The following SUZ12 variants were observed in gnomAD, a reference collection of about 807,000 sequenced individuals.
The protein encoded by SUZ12 is SUZ12 polycomb repressive complex 2 subunit, also known as polycomb protein SUZ12.
Under a neutral mutation model 87.3 loss-of-function variants are expected in SUZ12, and 17 were observed. The observed-to-expected ratio is 0.19, with a 90% CI of 0.13 to 0.29. SUZ12 has a LOEUF of 0.29. Ranked by LOEUF, SUZ12 falls within the 10% of genes least tolerant of loss-of-function variation. The pLI is 1.00. For missense variants in SUZ12, 526 were observed against 912.2 expected (o/e 0.58, Z 5.45); for synonymous variants, 253 against 312.4 (o/e 0.81, Z 2.01).
chr17:31,938,659 AT>A (rs1349376794), intron 1 of SUZ12, among the ~76,000 whole-genome samples: 1 of 152,240 alleles, frequency 6.6e-6, no homozygotes, highest in African/African-American at 2.4e-5. Flanking sequence ...TTAATTGGAA[AT>A]AGGATGTAGA....
At chr17:31,983,795 A>G (rs1207519932) in intron 9 of SUZ12, among the ~76,000 whole-genome samples, 1 of 152,242 alleles carries the variant, frequency 6.6e-6, no homozygotes, top group Admixed American at 6.5e-5. Context: ...TTTAAATTCT[A>G]TTCATTGTAA....
intron 4 of SUZ12, among the ~76,000 whole-genome samples, chr17:31,961,848 A>C (rs571130264): frequency 1.3e-5 from 2 of 152,354 alleles, no homozygotes; most frequent in East Asian, 3.9e-4. Context: ...TCAGAAAAGT[A>C]ATGTAAATAA....
intron 3 of SUZ12, among the ~76,000 whole-genome samples, chr17:31,945,462 T>C (rs1293029393): frequency 1.3e-5 from 2 of 152,222 alleles, no homozygotes. Context: ...GGGCATCTTT[T>C]ATTGAATCCA....
chr17:31,991,158 C>T (rs1909702206), intron 10 of SUZ12, among the ~76,000 whole-genome samples: 2 of 152,142 alleles, frequency 1.3e-5, no homozygotes, highest in South Asian at 4.1e-4. Context: ...AAGTTGTCCT[C>T]CTTGACCACT....
chr17:31,992,600 T>G (rs532966317), intron 10 of SUZ12, among the ~76,000 whole-genome samples: 1 of 151,812 alleles, frequency 6.6e-6, no homozygotes, highest in African/African-American at 2.4e-5. Flanking sequence ...TTAGTAGAGA[T>G]GGGGTTTCAC....
At chr17:31,941,945 C>T (rs1055830312) in intron 3 of SUZ12, among the ~76,000 whole-genome samples, 25 of 151,852 alleles carry the variant, frequency 1.6e-4, no homozygotes, top group Admixed American at 2.6e-4. Flanking sequence ...CTCCGCTTCC[C>T]GGGTTCAGGC....
At chr17:31,943,887 A>G (rs2142123042) in intron 3 of SUZ12, among the ~76,000 whole-genome samples, 1 of 151,798 alleles carries the variant, frequency 6.6e-6, no homozygotes, top group South Asian at 2.1e-4. Context: ...TAGTAGAGAC[A>G]GGGTTTCACC....
Position 31,937,456 on chromosome 17 carries a change from G to C in SUZ12, c.210G>C (p.Pro70=). The change falls in exon 1 of 16, where the codon CCG becomes CCC. Residue 70 remains proline (P), a synonymous_variant. Transcript: ENST00000322652. ...AAAAAGAAVL[P]VKKPKMEHVQ... ...CAGCGGCGGGGGCTGCGGTGTTACCGGTGAAGAAGCCGAAAATGGAGCACG... is the reference window on the plus strand; with the variant it reads ...CAGCGGCGGGGGCTGCGGTGTTACCCGTGAAGAAGCCGAAAATGGAGCACG... The C allele has an allele frequency of 6.5e-7, 1 of 1,541,368 alleles. No individual in the cohort carries two copies. Among genetic ancestry groups the C allele is most frequent in the Non-Finnish European group, 8.7e-7 (1 of 1,145,192 alleles).
At chr17:31,977,309 A>C (rs1598174956) in intron 8 of SUZ12, among the ~76,000 whole-genome samples, 3 of 129,306 alleles carry the variant, frequency 2.3e-5, no homozygotes, top group Non-Finnish European at 1.6e-5. Context: ...ATAGTGTCTC[A>C]CTCTATCACC....
At chr17:31,985,943 G>A (rs1009733018) in intron 9 of SUZ12, among the ~76,000 whole-genome samples, 1 of 151,824 alleles carries the variant, frequency 6.6e-6, no homozygotes, top group Admixed American at 6.6e-5. Context: ...TTACAGGCAT[G>A]AGCGACCGTG....
intron 5 of SUZ12, among the ~76,000 whole-genome samples, chr17:31,972,522 T>A (rs1391905952): frequency 6.6e-6 from 1 of 151,836 alleles, no homozygotes; most frequent in East Asian, 1.9e-4. Context: ...AAGAGATCCT[T>A]CCACCTAGCC....
chr17:31,985,864 T>C (rs940099923), intron 9 of SUZ12, among the ~76,000 whole-genome samples: 2 of 152,098 alleles, frequency 1.3e-5, no homozygotes, highest in Non-Finnish European at 2.9e-5. Flanking sequence ...AGTTTCACCA[T>C]GTTGGCCAGG....
intron 4 of SUZ12, among the ~76,000 whole-genome samples, chr17:31,957,013 T>G (rs111750626): frequency 0.11 from 16,261 of 152,204 alleles, 1,065 homozygotes; most frequent in Middle Eastern, 0.15. Flanking sequence ...TGACCTCAAG[T>G]GATCCACCCA....
At position 31,997,462 on chromosome 17, in the gene SUZ12, A is replaced by G. The variant is rs547589420; in HGVS notation, c.1874+585A>G. ...TGGATCACTTGAGGTCAGAAGTTAGAGAGCAGCCTGGCCAACATGGTGAAA... is the reference window on the plus strand; with the variant it reads ...TGGATCACTTGAGGTCAGAAGTTAGGGAGCAGCCTGGCCAACATGGTGAAA... On this transcript the variant is annotated intron_variant, in intron 15 of 15. Transcript: ENST00000322652. Among the ~76,000 whole-genome samples the G allele has an allele frequency of 3.3e-5, 5 of 152,298 alleles. No homozygotes were observed. The South Asian group carries it at 1.0e-3, about 32-fold the overall frequency.
At chr17:31,941,206 A>T (rs1389314671) in intron 3 of SUZ12, among the ~76,000 whole-genome samples, 1 of 148,944 alleles carries the variant, frequency 6.7e-6, no homozygotes, top group East Asian at 2.0e-4. Context: ...GGTTCATGCC[A>T]TTCTCCTGCC....
rs189067006 is a variant in SUZ12, at chr17:31,983,648, T to A, written c.1023+544T>A. ...AATGTCTGCTCCTAGCTATGTGGCGTTTGGCAAGTTACTTATCCATGTCTC... is the reference window on the plus strand; with the variant it reads ...AATGTCTGCTCCTAGCTATGTGGCGATTGGCAAGTTACTTATCCATGTCTC... On this transcript the variant is annotated intron_variant, in intron 9 of 15. Coordinates refer to ENST00000322652, the MANE Select transcript of SUZ12 (RefSeq NM_015355.4). Among the ~76,000 whole-genome samples the A allele has an allele frequency of 2.6e-4, 40 of 152,280 alleles. No individual in the cohort carries two copies. In the East Asian group the frequency reaches 7.5e-3, roughly 29 times the overall value.
chr17:31,972,626 C>T (rs1409558923), intron 5 of SUZ12, among the ~76,000 whole-genome samples: 1 of 152,130 alleles, frequency 6.6e-6, no homozygotes, highest in Non-Finnish European at 1.5e-5. Flanking sequence ...GTTGCGCAGG[C>T]TGGTCTTGAA....
In SUZ12 at chr17:31,988,494, A is replaced by G. The variant is rs774753677; in HGVS notation, c.1198A>G (p.Ile400Val). 5 of 1,593,840 alleles carry G rather than the reference A, an allele frequency of 3.1e-6. No homozygotes were observed. The African/African-American group carries it at 4.1e-5, about 13-fold the overall frequency. The stretch of plus-strand genomic sequence containing the variant: ...TGGTTCAGTTAAACCTACTCAAACT[A>G]TTGGTAAGAAAACATTGCAATCAAA... ...KPGSVKPTQT[I>V]AVKESLTTDL... The change falls in exon 10 of 16, where the codon ATT (isoleucine) becomes GTT (valine). Residue 400 changes from isoleucine to valine, a missense_variant. This residue lies in a region of SUZ12 where 85 missense variants were observed against 87.4 expected (regional missense o/e 0.97). Transcript: ENST00000322652.
chr17:31,945,061 CAAAA>C (rs34314619), intron 3 of SUZ12, among the ~76,000 whole-genome samples: 3 of 79,244 alleles, frequency 3.8e-5, no homozygotes, highest in African/African-American at 9.3e-5. Flanking sequence ...GATGGTGTCT[CAAAA>C]AAAAAAAAAA....
Sources: allele counts gnomAD v4.1 joint callset (sites outside exome capture counted in the v4.1 genomes callset), GRCh38; gene constraint gnomAD v4.1.1; regional missense constraint gnomAD v4.1.1; transcripts MANE v1.5; gene names NCBI Gene and HGNC (gene_info 2026-07-23, HGNC 2026-07-21).